Variants in ADAMTSL2 observed in about 807,000 individuals in gnomAD.
The protein encoded by ADAMTSL2 is ADAMTS-like protein 2.
A neutral mutation model predicts 117.0 loss-of-function variants in ADAMTSL2; 55 were observed. The ratio of observed to expected loss-of-function variants is 0.47; its 90% CI spans 0.38 to 0.59. ADAMTSL2 has a LOEUF of 0.59. ADAMTSL2 is among the 20% of genes least tolerant of loss of function. The pLI is 0.00. For missense variants in ADAMTSL2, 1,182 were observed against 1,354.5 expected (o/e 0.87, Z 2.00); for synonymous variants, 572 against 566.4 (o/e 1.01, Z -0.14).
intron 5 of ADAMTSL2, among the ~76,000 whole-genome samples, chr9:133,540,205 C>T (rs767515569): frequency 1.3e-5 from 2 of 152,214 alleles, no homozygotes; most frequent in Non-Finnish European, 2.9e-5. Context: ...ACTGCCCACA[C>T]GGTCCCATGG....
chr9:133,565,987 C>T (rs1486888474), intron 12 of ADAMTSL2, among the ~76,000 whole-genome samples: 3 of 152,144 alleles, frequency 2.0e-5, no homozygotes, highest in African/African-American at 4.8e-5. Context: ...TGTGGCAGTT[C>T]GGTACCAGGC....
chr9:133,549,357 C>A (rs542064476), intron 9 of ADAMTSL2, among the ~76,000 whole-genome samples: 2 of 152,118 alleles, frequency 1.3e-5, no homozygotes, highest in South Asian at 4.2e-4. Flanking sequence ...TGGCTTAGCA[C>A]CTCAGAGGGG....
intron 8 of ADAMTSL2, 58 bp from the exon 9 acceptor site, chr9:133,546,980 C>T: frequency 6.4e-7 from 1 of 1,554,124 alleles, no homozygotes; most frequent in Non-Finnish European, 8.9e-7. Flanking sequence ...GAGTTGGTGA[C>T]ACTGGCTCCT....
chr9:133,539,929 GCCCTT>G, intron 5 of ADAMTSL2, 56 bp downstream of exon 5: 2 of 1,502,964 alleles, frequency 1.3e-6, no homozygotes, highest in Non-Finnish European at 1.8e-6. Flanking sequence ...TTTGGGGGTA[GCCCTT>G]CCGGCACCTG....
chr9:133,564,847 G>T (rs1177693842), intron 12 of ADAMTSL2, among the ~76,000 whole-genome samples: 1 of 152,054 alleles, frequency 6.6e-6, no homozygotes, highest in Admixed American at 6.5e-5. Context: ...GGTTGTGTCC[G>T]TGCGGATGTC....
intron 8 of ADAMTSL2, among the ~76,000 whole-genome samples, chr9:133,545,201 C>T (rs888760604): frequency 2.0e-5 from 3 of 152,164 alleles, no homozygotes; most frequent in Admixed American, 6.5e-5. Flanking sequence ...GTCTGCACCC[C>T]TTGGGCCACA....
At position 133,554,315 on chromosome 9, in the gene ADAMTSL2, A is replaced by T; in HGVS notation, c.940-42A>T. The T allele has an allele frequency of 6.6e-7, 1 of 1,506,768 alleles. No individual in the cohort carries two copies. The highest frequency in any genetic ancestry group is 8.9e-7 in the Non-Finnish European group (1 of 1,122,258). 93.3% of individuals were successfully genotyped at this position (1,506,768 alleles called of 1,614,324 possible). A position where few individuals can be genotyped will look rare whatever the true frequency, so the allele number is the denominator to read the frequency against. ...AGGGGATTGGTGGGGAAGGGGCTGGACAGAGTAAGGAGGGGCTGGGGACCC... is the reference window on the plus strand; with the variant it reads ...AGGGGATTGGTGGGGAAGGGGCTGGTCAGAGTAAGGAGGGGCTGGGGACCC... On this transcript the variant is annotated intron_variant, in intron 9 of 18. Transcript: ENST00000651351. This position sits in a 1 kb window ranked among gnomAD's most constrained non-coding sequence, Gnocchi z 5.2.
chr9:133,538,460 C>A lies in ADAMTSL2; in HGVS notation c.309+36C>A, dbSNP rs373824262. ...GCCCGGGCAGGGGCACCATGGCCTG[C>A]TCTCCCTGTCATCATGCAGTTTTCA... On this transcript the variant is annotated intron_variant, in intron 4 of 18. Coordinates refer to ENST00000651351, the MANE Select transcript of ADAMTSL2 (RefSeq NM_014694.4). 6.2e-6 allele frequency: 10 copies of A among 1,608,906 alleles called. No individual in the cohort carries two copies. The African/African-American group carries it at 1.2e-4, about 19-fold the overall frequency.
intron 1 of ADAMTSL2, among the ~76,000 whole-genome samples, chr9:133,535,151 C>G (rs536722575): frequency 6.6e-6 from 1 of 152,152 alleles, no homozygotes. Flanking sequence ...TGCCGCCAGC[C>G]GCTGCTTTTG....
At chr9:133,544,602 G>C (rs113811900) in intron 8 of ADAMTSL2, 52 bp downstream of exon 8, 1 of 1,495,654 alleles carries the variant, frequency 6.7e-7, no homozygotes, top group East Asian at 2.3e-5. Context: ...GTTGTGGAGC[G>C]TTGTGCGTGG....
chr9:133,562,187 C>G (rs1300320613), intron 12 of ADAMTSL2, among the ~76,000 whole-genome samples: 7 of 152,228 alleles, frequency 4.6e-5, no homozygotes, highest in Non-Finnish European at 8.8e-5. Context: ...CACAGCTGGG[C>G]AGTCTGAGCT....
At chr9:133,568,140 T>C (rs1831018173) in intron 13 of ADAMTSL2, 133 bp from the exon 14 acceptor site, 2 of 935,230 alleles carry the variant, frequency 2.1e-6, no homozygotes, top group Non-Finnish European at 3.2e-6. Flanking sequence ...CCTGTCTGGC[T>C]TAGCTTGTTG....
In ADAMTSL2 at chr9:133,555,734, G is replaced by A. The variant is rs1830591330; in HGVS notation, c.1453G>A (p.Gly485Ser). The A allele has an allele frequency of 1.2e-6, 2 of 1,614,016 alleles. No individual in the cohort carries two copies. Among genetic ancestry groups the A allele is most frequent in the African/African-American group, 2.7e-5 (2 of 75,058 alleles). Residue 485 changes from glycine (G) to serine (S), a missense_variant, in exon 11 of 19, where the codon GGC (glycine) becomes AGC (serine). Coordinates refer to ENST00000651351, the MANE Select transcript of ADAMTSL2 (RefSeq NM_014694.4). ...GACTGTGAACAGCATCTTTGCACAG[G>A]GCGCCCCAAGGAGCTCCCTGGCCGA... Reference protein sequence around the residue: ...NETVNSIFAQGAPRSSLAESF... With the variant: ...NETVNSIFAQSAPRSSLAESF...
rs775180581 is a variant in ADAMTSL2, at chr9:133,540,781, CTG to C, written c.558+41_558+42del. 5.6e-6 allele frequency: 9 copies of C among 1,613,396 alleles called. No homozygotes were observed. In the Admixed American group the frequency reaches 1.5e-4, roughly 27 times the overall value. On this transcript the variant is annotated intron_variant, in intron 6 of 18. Coordinates refer to ENST00000651351, the MANE Select transcript of ADAMTSL2 (RefSeq NM_014694.4). ...TGTAGCAAAAGTACCGCCGGTCTCACTGTGCTGACTGCCCGCCCGCCTGTGGG... is the reference window on the plus strand; with the variant it reads ...TGTAGCAAAAGTACCGCCGGTCTCACTGCTGACTGCCCGCCCGCCTGTGGG...
intron 12 of ADAMTSL2, among the ~76,000 whole-genome samples, chr9:133,563,861 GAGGGAGA>G (rs1830818777): frequency 7.2e-5 from 5 of 69,276 alleles, no homozygotes; most frequent in Admixed American, 1.3e-4. Flanking sequence ...GAGAGAGAGA[GAGGGAGA>G]GAGAGAGAGA....
intron 7 of ADAMTSL2, 45 bp from the exon 8 acceptor site, chr9:133,544,425 G>A: frequency 6.6e-7 from 1 of 1,525,458 alleles, no homozygotes; most frequent in East Asian, 2.2e-5. Flanking sequence ...ACCCAAGGCT[G>A]CCTTTCCAAT....
rs991260545 is a variant in ADAMTSL2 at position 133,557,240 on chromosome 9, C to T, written c.1649+1310C>T. On this transcript the variant is annotated intron_variant, in intron 11 of 18. Transcript: ENST00000651351. This position sits in a 1 kb window ranked among gnomAD's most constrained non-coding sequence, Gnocchi z 5.2. Reference sequence around the variant, plus strand: ...GTGAGCCAGGAGCCCCAGGGGATGCCTGCCGCTTTTCTCAAACTGTTTTCT... The same window carrying T: ...GTGAGCCAGGAGCCCCAGGGGATGCTTGCCGCTTTTCTCAAACTGTTTTCT... 3.5e-4 allele frequency among the ~76,000 whole-genome samples: 54 copies of T among 152,308 alleles called. No individual in the cohort carries two copies. Among genetic ancestry groups the T allele is most frequent in the African/African-American group, 1.3e-3 (53 of 41,556 alleles).
At chr9:133,571,382 C>A (rs1831103076) in intron 17 of ADAMTSL2, among the ~76,000 whole-genome samples, 2 of 152,200 alleles carry the variant, frequency 1.3e-5, no homozygotes, top group South Asian at 4.1e-4. Context: ...ACCAGCTCAT[C>A]CCAAGGGGCC....
In ADAMTSL2 at chr9:133,557,635, T is replaced by C. The variant is rs903191955; in HGVS notation, c.1649+1705T>C. Among the ~76,000 whole-genome samples the C allele has an allele frequency of 2.5e-4, 38 of 152,272 alleles. No homozygotes were observed. Among genetic ancestry groups the C allele is most frequent in the African/African-American group, 9.1e-4 (38 of 41,556 alleles). The stretch of plus-strand genomic sequence containing the variant: ...CAAGGCTGCCAGTCTGTCTGTGTCT[T>C]CAGCGTGGGCCCTCTTCACCTCCCA... On this transcript the variant is annotated intron_variant, in intron 11 of 18. Coordinates refer to ENST00000651351, the MANE Select transcript of ADAMTSL2 (RefSeq NM_014694.4). This position sits in a 1 kb window ranked among gnomAD's most constrained non-coding sequence, Gnocchi z 5.2.
Sources: allele counts gnomAD v4.1 joint callset (sites outside exome capture counted in the v4.1 genomes callset), GRCh38; gene constraint gnomAD v4.1.1; non-coding constraint Gnocchi (gnomAD v3.1); transcripts MANE v1.5; gene names NCBI Gene and HGNC (gene_info 2026-07-23, HGNC 2026-07-21).